STK32A: variants seen among roughly 807,000 people sequenced by gnomAD.
STK32A encodes the protein serine/threonine-protein kinase 32A.
Under a neutral mutation model 53.2 loss-of-function variants are expected in STK32A, and 41 were observed. The observed-to-expected ratio is 0.77, with a 90% CI of 0.60 to 1.00. The LOEUF (loss-of-function observed/expected upper bound fraction) is 1.00. STK32A is among the 50% of genes least tolerant of loss of function. STK32A has a pLI of 0.00. For missense variants in STK32A, 458 were observed against 485.8 expected, an observed-to-expected ratio of 0.94 and a Z score of 0.54; for synonymous variants, 166 against 162.8, an observed-to-expected ratio of 1.02 and a Z score of -0.15.
intron 4 of STK32A, among the ~76,000 whole-genome samples, chr5:147,317,759 T>C (rs1308310199): frequency 6.6e-6 from 1 of 152,154 alleles, no homozygotes; most frequent in East Asian, 1.9e-4. Context: ...AACTCTAGCA[T>C]GCAAACATTT....
rs1200160043 is a variant in STK32A, at chr5:147,373,160, T to C, written c.778-9T>C. On this transcript the variant is annotated splice_polypyrimidine_tract_variant and intron_variant, in intron 9 of 12. Coordinates refer to ENST00000397936, the MANE Select transcript of STK32A (RefSeq NM_001112724.2). Reference sequence around the variant, plus strand: ...TCTTATGGCCTTGATGTTTGCATTTTATTGGCAGCTACTCGAACCTAATCC... The same window carrying C: ...TCTTATGGCCTTGATGTTTGCATTTCATTGGCAGCTACTCGAACCTAATCC... The C allele has an allele frequency of 6.2e-7, 1 of 1,613,038 alleles. No individual in the cohort carries two copies.
At chr5:147,282,722 G>A (rs1342132110) in intron 4 of STK32A, among the ~76,000 whole-genome samples, 10 of 152,048 alleles carry the variant, frequency 6.6e-5, no homozygotes, top group Admixed American at 6.6e-4. Context: ...ATGGTAAAAG[G>A]CCTTGTTCAA....
chr5:147,300,077 A>C (rs1217786641), intron 4 of STK32A, among the ~76,000 whole-genome samples: 1 of 152,156 alleles, frequency 6.6e-6, no homozygotes, highest in African/African-American at 2.4e-5. Context: ...TGGGTTTATA[A>C]ACCATAAGAA....
chr5:147,335,173 T>A (rs972964526), intron 5 of STK32A, among the ~76,000 whole-genome samples: 3 of 152,186 alleles, frequency 2.0e-5, no homozygotes, highest in Non-Finnish European at 4.4e-5. Flanking sequence ...ATTACTATAC[T>A]ACGAGTTTTA....
chr5:147,325,174 TCTG>T (rs1398805366), intron 5 of STK32A, among the ~76,000 whole-genome samples: 2 of 152,216 alleles, frequency 1.3e-5, no homozygotes, highest in South Asian at 4.1e-4. Context: ...TACATGTGAC[TCTG>T]CTGCTGTCAT....
chr5:147,305,409 G>C (rs986343373), intron 4 of STK32A, among the ~76,000 whole-genome samples: 1 of 152,086 alleles, frequency 6.6e-6, no homozygotes, highest in Admixed American at 6.5e-5. Context: ...GCATTATTTA[G>C]AGAGAATGAG....
At chr5:147,303,873 G>A (rs1262408475) in intron 4 of STK32A, among the ~76,000 whole-genome samples, 6 of 152,150 alleles carry the variant, frequency 3.9e-5, no homozygotes, top group Non-Finnish European at 8.8e-5. Context: ...TCTGTGGCCA[G>A]TACGCAGTAA....
intron 11 of STK32A, among the ~76,000 whole-genome samples, chr5:147,380,351 T>C (rs182058851): frequency 6.6e-6 from 1 of 152,220 alleles, no homozygotes; most frequent in African/African-American, 2.4e-5. Flanking sequence ...TGTCTTCTCC[T>C]TTGTCTTGTT....
intron 6 of STK32A, chr5:147,343,322 C>G: frequency 3.3e-6 from 2 of 614,268 alleles, no homozygotes; most frequent in Admixed American, 2.1e-5. Flanking sequence ...ACCATCACAA[C>G]TTTTCAGTGT....
At chr5:147,401,188 A>C in the STK32A span, among the ~76,000 whole-genome samples, 1 of 152,224 alleles carries the variant, frequency 6.6e-6, no homozygotes, top group Non-Finnish European at 1.5e-5. Flanking sequence ...CAAATGATTT[A>C]GCTTCTCTGA....
the STK32A span, chr5:147,401,822 A>T: frequency 2.3e-4 from 272 of 1,157,896 alleles, 1 homozygote; most frequent in African/African-American, 3.8e-3. Context: ...CCTGGGTTCA[A>T]GTCCATGTTC....
intron 4 of STK32A, among the ~76,000 whole-genome samples, chr5:147,295,352 ATT>A (rs1752819115): frequency 6.6e-6 from 1 of 152,232 alleles, no homozygotes; most frequent in South Asian, 2.1e-4. Flanking sequence ...TGAATAGTTC[ATT>A]AAACAAAAGT....
In STK32A at chr5:147,371,728, A is replaced by C. The variant is rs74678083; in HGVS notation, c.777+958A>C. 1.8e-3 allele frequency among the ~76,000 whole-genome samples: 277 copies of C among 152,330 alleles called. 1 individual carries two copies. Among genetic ancestry groups the C allele is most frequent in the Non-Finnish European group, 3.1e-3 (211 of 68,018 alleles). Reference sequence around the variant, plus strand: ...GGACTTATCTTATTGAAGAGGGTCCAAGCTTGTTTGACGGTTGTTGAACTC... The same window carrying C: ...GGACTTATCTTATTGAAGAGGGTCCCAGCTTGTTTGACGGTTGTTGAACTC... On this transcript the variant is annotated intron_variant, in intron 9 of 12. Coordinates refer to ENST00000397936, the MANE Select transcript of STK32A (RefSeq NM_001112724.2).
At chr5:147,266,264 CTT>C (rs1162394828) in intron 2 of STK32A, among the ~76,000 whole-genome samples, 12 of 152,150 alleles carry the variant, frequency 7.9e-5, no homozygotes, top group Non-Finnish European at 1.0e-4. Flanking sequence ...GTTCTTAATG[CTT>C]TGAGCTCAAA....
intron 6 of STK32A, among the ~76,000 whole-genome samples, chr5:147,350,035 C>T (rs777654264): frequency 9.2e-5 from 14 of 151,496 alleles, no homozygotes; most frequent in African/African-American, 3.1e-4. Context: ...CACTTGAACC[C>T]GGGAGGCGGA....
At chr5:147,283,474 A>C (rs1752166384) in intron 4 of STK32A, among the ~76,000 whole-genome samples, 1 of 80,586 alleles carries the variant, frequency 1.2e-5, no homozygotes, top group African/African-American at 5.3e-5. Flanking sequence ...TTGAAACAAA[A>C]AAAAAAAAAG....
At chr5:147,348,561 T>C in intron 6 of STK32A, 1 of 678,560 alleles carries the variant, frequency 1.5e-6, no homozygotes, top group Non-Finnish European at 2.8e-6. Flanking sequence ...AAACCTTCTC[T>C]ACCTTCCACT....
At chr5:147,237,326 T>C (rs566235684) in intron 1 of STK32A, among the ~76,000 whole-genome samples, 1 of 152,030 alleles carries the variant, frequency 6.6e-6, no homozygotes, top group South Asian at 2.1e-4. Context: ...AAAAAAAAAT[T>C]AATGTTCTCT....
At chr5:147,307,667 G>A (rs576194906) in intron 4 of STK32A, among the ~76,000 whole-genome samples, 4 of 150,010 alleles carry the variant, frequency 2.7e-5, no homozygotes, top group Middle Eastern at 3.4e-3. Context: ...CTATGCCAAC[G>A]TGGAGCTATT....
Sources: allele counts gnomAD v4.1 joint callset (sites outside exome capture counted in the v4.1 genomes callset), GRCh38; gene constraint gnomAD v4.1.1; transcripts MANE v1.5; gene names NCBI Gene and HGNC (gene_info 2026-07-23, HGNC 2026-07-21).